GRIK1: variants seen among roughly 807,000 people sequenced by gnomAD.
GRIK1 encodes glutamate receptor ionotropic, kainate 1.
In GRIK1, 69 loss-of-function variants were observed where a neutral mutation model predicts 105.7. The observed-to-expected ratio is 0.65, with a 90% confidence interval of 0.54 to 0.80. The LOEUF (loss-of-function observed/expected upper bound fraction) is 0.80. Among genes scored for constraint, GRIK1 ranks in the 30% least tolerant of loss-of-function variants. The pLI is 0.00. For missense variants in GRIK1, 1,109 were observed against 1,167.3 expected (o/e 0.95, Z 0.73); for synonymous variants, 438 against 431.3 (o/e 1.02, Z -0.19).
chr21:29,597,455 A>G (rs2061436719), intron 8 of GRIK1: 1 of 248,412 alleles, frequency 4.0e-6, no homozygotes, highest in Non-Finnish European at 8.9e-6. Context: ...AGTGCTATAC[A>G]TAAGAGGAGA....
chr21:29,705,199 T>A (rs2063881368), intron 1 of GRIK1, among the ~76,000 whole-genome samples: 1 of 152,230 alleles, frequency 6.6e-6, no homozygotes, highest in Non-Finnish European at 1.5e-5. Flanking sequence ...AGATTAGAAC[T>A]GATGTTTGAA....
intron 7 of GRIK1, among the ~76,000 whole-genome samples, chr21:29,629,862 T>C (rs1419194357): frequency 1.3e-5 from 2 of 152,072 alleles, no homozygotes; most frequent in African/African-American, 2.4e-5. Context: ...AGTGAAATAA[T>C]AAATTGCCGA....
chr21:29,616,374 C>T (rs1463093398), intron 7 of GRIK1, among the ~76,000 whole-genome samples: 1 of 152,168 alleles, frequency 6.6e-6, no homozygotes, highest in Non-Finnish European at 1.5e-5. Context: ...CATTCTTTGA[C>T]AGGCTTTTAT....
intron 11 of GRIK1, 32 bp downstream of exon 11, chr21:29,588,807 T>C: frequency 8.7e-7 from 1 of 1,149,774 alleles, no homozygotes; most frequent in South Asian, 1.3e-5. Flanking sequence ...CTTATGCATA[T>C]TTTCAGATAT....
intron 1 of GRIK1, among the ~76,000 whole-genome samples, chr21:29,848,027 G>A (rs111265623): frequency 4.0e-5 from 6 of 151,210 alleles, no homozygotes; most frequent in African/African-American, 1.5e-4. Context: ...TACTCTCTCA[G>A]TTACCCAGGG....
chr21:29,676,148 G>T (rs148569289), intron 3 of GRIK1, among the ~76,000 whole-genome samples: 59 of 152,190 alleles, frequency 3.9e-4, no homozygotes, highest in African/African-American at 1.3e-3. Flanking sequence ...CAGTCCAAAA[G>T]ACTAGTTTCT....
intron 11 of GRIK1, 29 bp from the exon 12 acceptor site, chr21:29,587,618 T>C (rs374767642): frequency 1.4e-5 from 19 of 1,342,180 alleles, no homozygotes; most frequent in Non-Finnish European, 1.9e-5. Flanking sequence ...AATTGTCAGC[T>C]TAGTCTAGTT....
chr21:29,763,445 AG>A (rs1395056746), intron 1 of GRIK1: 1 of 152,314 alleles, frequency 6.6e-6, no homozygotes, highest in African/African-American at 2.4e-5. Context: ...GAAGGCATAA[AG>A]CCTTCAGTGT....
intron 1 of GRIK1, among the ~76,000 whole-genome samples, chr21:29,867,904 A>AGAG (rs1569174422): frequency 8.7e-5 from 5 of 57,350 alleles, no homozygotes; most frequent in Middle Eastern, 8.3e-3. Flanking sequence ...GAGAGAGAGA[A>AGAG]AGAAAGAGAG....
At chr21:29,741,994 G>A (rs747348979) in intron 1 of GRIK1, among the ~76,000 whole-genome samples, 1 of 152,146 alleles carries the variant, frequency 6.6e-6, no homozygotes, top group African/African-American at 2.4e-5. Context: ...CATGGAGAAG[G>A]TACAATGGCC....
intron 1 of GRIK1, among the ~76,000 whole-genome samples, chr21:29,909,727 G>A (rs1319762934): frequency 6.6e-6 from 1 of 152,152 alleles, no homozygotes; most frequent in Non-Finnish European, 1.5e-5. Flanking sequence ...AGTTGGCAAG[G>A]TGCTCAAGAA....
intron 13 of GRIK1, among the ~76,000 whole-genome samples, chr21:29,580,151 A>G (rs1198617371): frequency 7.0e-6 from 1 of 143,334 alleles, no homozygotes; most frequent in Non-Finnish European, 1.5e-5. Context: ...ACATATATAT[A>G]TACACATACA....
chr21:29,861,588 T>TG, intron 1 of GRIK1: 1 of 233,302 alleles, frequency 4.3e-6, no homozygotes, highest in Non-Finnish European at 7.6e-6. Flanking sequence ...ATTATAGGTG[T>TG]GAGCCAACAC....
chr21:29,585,339 C>T (rs1328829615), intron 12 of GRIK1, among the ~76,000 whole-genome samples: 1 of 152,094 alleles, frequency 6.6e-6, no homozygotes, highest in Non-Finnish European at 1.5e-5. Context: ...GCGTGCCATT[C>T]TGACATACTC....
intron 1 of GRIK1, among the ~76,000 whole-genome samples, chr21:29,772,007 A>G (rs2065825607): frequency 6.6e-6 from 1 of 152,202 alleles, no homozygotes; most frequent in African/African-American, 2.4e-5. Context: ...TTTGAATACC[A>G]TTCCTGGAGT....
intron 15 of GRIK1, among the ~76,000 whole-genome samples, chr21:29,556,688 C>T (rs1009185303): frequency 1.3e-5 from 2 of 152,142 alleles, no homozygotes; most frequent in African/African-American, 4.8e-5. Flanking sequence ...GGCTCTCTCT[C>T]TTTTTCCAAA....
chr21:29,644,624 T>C (rs1226771365), intron 6 of GRIK1, among the ~76,000 whole-genome samples: 1 of 152,212 alleles, frequency 6.6e-6, no homozygotes, highest in Non-Finnish European at 1.5e-5. Context: ...ATCCACTTTG[T>C]AGATGAGAAA....
intron 1 of GRIK1, among the ~76,000 whole-genome samples, chr21:29,881,933 G>A (rs1361533559): frequency 6.6e-6 from 1 of 151,988 alleles, no homozygotes; most frequent in Non-Finnish European, 1.5e-5. Flanking sequence ...CCATTTGTTT[G>A]CTTTTTCTAT....
At position 29,570,572 on chromosome 21, in the gene GRIK1, C is replaced by T. The variant is rs536186566; in HGVS notation, c.2130+6392G>A. 9.2e-5 allele frequency among the ~76,000 whole-genome samples: 14 copies of T among 152,026 alleles called. No homozygotes were observed. The South Asian group carries it at 2.3e-3, about 25-fold the overall frequency. On this transcript the variant is annotated intron_variant, in intron 14 of 17. Coordinates refer to ENST00000327783, the MANE Select transcript of GRIK1 (RefSeq NM_001330994.2). Reference sequence around the variant, plus strand: ...AATTATTAATACACTGACCCATAAACATAGGCCATTAATTAATTTGATGCC... The same window carrying T: ...AATTATTAATACACTGACCCATAAATATAGGCCATTAATTAATTTGATGCC...
Sources: gnomAD v4.1 joint callset for allele counts (sites outside exome capture counted in the v4.1 genomes callset) on GRCh38, gnomAD v4.1.1 for gene constraint, MANE v1.5 for transcripts, NCBI Gene and HGNC (gene_info 2026-07-23, HGNC 2026-07-21) for gene names.